SCIN: variants seen among roughly 807,000 people sequenced by gnomAD.
SCIN encodes the protein adseverin.
Under a neutral mutation model 91.8 loss-of-function variants are expected in SCIN, and 91 were observed. The ratio of observed to expected loss-of-function variants is 0.99; its 90% CI spans 0.84 to 1.18. The LOEUF is 1.18. SCIN is among the 50% of genes most tolerant of loss of function. SCIN has a pLI of 0.00. For missense variants in SCIN, 1,087 were observed against 863.9 expected (o/e 1.26, Z -3.24); for synonymous variants, 367 against 312.6 (o/e 1.17, Z -1.84).
At chr7:12,650,918 C>CT (rs1161822665) in intron 14 of SCIN, among the ~76,000 whole-genome samples, 1 of 152,144 alleles carries the variant, frequency 6.6e-6, no homozygotes. Context: ...CATGTGGTCT[C>CT]TTCCAGCCAA....
chr7:12,575,013 A>C (rs2215063), intron 1 of SCIN, among the ~76,000 whole-genome samples: 84,117 of 151,872 alleles, frequency 0.55, 23,841 homozygotes, highest in African/African-American at 0.67. Flanking sequence ...TGATATTTTG[A>C]ATGCCATTTT....
chr7:12,581,051 A>G lies in SCIN; in HGVS notation c.355-9A>G. 1 of 1,549,792 alleles carries G rather than the reference A, an allele frequency of 6.5e-7. No individual in the cohort carries two copies. Among genetic ancestry groups the G allele is most frequent in the Non-Finnish European group, 8.7e-7 (1 of 1,145,952 alleles). On this transcript the variant is annotated splice_polypyrimidine_tract_variant and intron_variant, in intron 2 of 15. Transcript: ENST00000297029. ...GTTTTTTGTGTGTCTGTCTTCCCTCATTCATCAGGCTGGAGGCGTGGCATC... is the reference window on the plus strand; with the variant it reads ...GTTTTTTGTGTGTCTGTCTTCCCTCGTTCATCAGGCTGGAGGCGTGGCATC...
At chr7:12,634,671 G>T (rs1008823147) in intron 9 of SCIN, among the ~76,000 whole-genome samples, 1 of 152,142 alleles carries the variant, frequency 6.6e-6, no homozygotes. Context: ...AATGCTCAAT[G>T]AATGCTTTTA....
intron 3 of SCIN, among the ~76,000 whole-genome samples, chr7:12,587,910 C>G (rs1012495046): frequency 2.4e-4 from 36 of 152,288 alleles, no homozygotes; most frequent in Admixed American, 1.8e-3. Context: ...CCCCTAAGAC[C>G]CACACCGTAC....
intron 8 of SCIN, 116 bp downstream of exon 8, chr7:12,626,915 C>T (rs849757): frequency 0.11 from 97,234 of 873,280 alleles, 5,697 homozygotes; most frequent in Middle Eastern, 0.13. Flanking sequence ...CATGGTGAAA[C>T]CCCACCTCTA....
At chr7:12,602,237 A>T (rs1475444388) in intron 3 of SCIN, among the ~76,000 whole-genome samples, 1 of 152,212 alleles carries the variant, frequency 6.6e-6, no homozygotes, top group Non-Finnish European at 1.5e-5. Context: ...AGTTTTATTA[A>T]GGATTTCAAA....
intron 14 of SCIN, among the ~76,000 whole-genome samples, 169 bp downstream of exon 14, chr7:12,649,713 G>A (rs577212210): frequency 6.6e-6 from 1 of 152,266 alleles, no homozygotes; most frequent in South Asian, 2.1e-4. Flanking sequence ...CATATGGCAA[G>A]TTGATTTCTT....
chr7:12,601,509 G>A (rs1464887090), intron 3 of SCIN, among the ~76,000 whole-genome samples: 1 of 152,188 alleles, frequency 6.6e-6, no homozygotes. Flanking sequence ...TGAAACGTGT[G>A]TGGGAGTGTT....
Position 12,625,768 on chromosome 7 carries a change from A to T in SCIN, c.899A>T (p.Asp300Val). ...AKQIFVWKGK[D>V]ANPQERKAAM... The stretch of plus-strand genomic sequence containing the variant: ...AATTTACCTTGTATTTTAGGTAAAG[A>T]TGCTAATCCCCAAGAGAGGAAGGCT... The change falls in exon 7 of 16, where the codon GAT (aspartate) becomes GTT (valine). Residue 300 changes from aspartate (D) to valine (V), a missense_variant. Coordinates refer to ENST00000297029, the MANE Select transcript of SCIN (RefSeq NM_001112706.3). The T allele has an allele frequency of 1.2e-6, 2 of 1,606,260 alleles. No homozygotes were observed. The highest frequency in any genetic ancestry group is 1.7e-6 in the Non-Finnish European group (2 of 1,175,166).
At chr7:12,610,715 G>A (rs1049584244) in intron 4 of SCIN, among the ~76,000 whole-genome samples, 3 of 152,152 alleles carry the variant, frequency 2.0e-5, no homozygotes, top group Non-Finnish European at 4.4e-5. Flanking sequence ...TGGAAAGGCA[G>A]TTGGTACTTA....
rs1462363652 is a variant in SCIN at position 12,657,607 on chromosome 7, A to T, written c.*4892A>T. ...TTTTTTTTTTTTTTTTTGCATTGGC[A>T]AAAAAACAAAGATATTGTTTAGCAA... On this transcript the variant is annotated 3_prime_UTR_variant, in exon 16 of 16. Transcript: ENST00000297029. 3.1e-5 allele frequency: 3 copies of T among 97,018 alleles called. No homozygotes were observed. The highest frequency in any genetic ancestry group is 9.7e-5 in the African/African-American group (3 of 30,838). The allele number at this position is 97,018 out of a possible 1,614,324, so 6.0% of individuals were successfully genotyped here. A position where few individuals can be genotyped will look rare whatever the true frequency, so the allele number is the denominator to read the frequency against.
At chr7:12,603,350 T>C (rs964050982) in intron 3 of SCIN, among the ~76,000 whole-genome samples, 3 of 152,036 alleles carry the variant, frequency 2.0e-5, no homozygotes, top group Non-Finnish European at 2.9e-5. Flanking sequence ...TTCACTGTGT[T>C]AGCCAGGATA....
At chr7:12,610,065 A>G (rs1042228691) in intron 4 of SCIN, among the ~76,000 whole-genome samples, 2 of 152,230 alleles carry the variant, frequency 1.3e-5, no homozygotes, top group Non-Finnish European at 2.9e-5. Context: ...GCCAGAGAGC[A>G]TGGTCTGAAT....
intron 3 of SCIN, among the ~76,000 whole-genome samples, chr7:12,597,655 C>T (rs181195269): frequency 6.6e-6 from 1 of 152,280 alleles, no homozygotes; most frequent in Non-Finnish European, 1.5e-5. Context: ...ATTTTCAAGA[C>T]CAATAATAGG....
intron 13 of SCIN, among the ~76,000 whole-genome samples, chr7:12,648,417 C>T (rs1481149480): frequency 6.6e-6 from 1 of 151,786 alleles, no homozygotes; most frequent in Non-Finnish European, 1.5e-5. Flanking sequence ...CTACATCAGC[C>T]TCCCAAGTAG....
chr7:12,602,677 C>T (rs556284182), intron 3 of SCIN, among the ~76,000 whole-genome samples: 11 of 152,184 alleles, frequency 7.2e-5, no homozygotes, highest in Non-Finnish European at 1.6e-4. Context: ...CCTACTTGCA[C>T]GTCCATTTAT....
At chr7:12,648,308 T>TC in intron 13 of SCIN, among the ~76,000 whole-genome samples, 1 of 150,564 alleles carries the variant, frequency 6.6e-6, no homozygotes, top group Middle Eastern at 3.4e-3. Flanking sequence ...TTTTTTTTTT[T>TC]TTTTCTGAGA....
At chr7:12,635,572 A>G (rs1783732212) in intron 9 of SCIN, among the ~76,000 whole-genome samples, 1 of 128,960 alleles carries the variant, frequency 7.8e-6, no homozygotes, top group Non-Finnish European at 1.6e-5. Context: ...AGACCACACC[A>G]TTGCACTCCA....
chr7:12,625,210 A>AT, intron 6 of SCIN, 68 bp downstream of exon 6: 2 of 1,333,008 alleles, frequency 1.5e-6, no homozygotes, highest in Non-Finnish European at 2.0e-6. Context: ...GGTAAATAAA[A>AT]TATATTTTTT....
Sources: gnomAD v4.1 joint callset for allele counts (sites outside exome capture counted in the v4.1 genomes callset) on GRCh38, gnomAD v4.1.1 for gene constraint, MANE v1.5 for transcripts, NCBI Gene and HGNC (gene_info 2026-07-23, HGNC 2026-07-21) for gene names.